The following NDST3 variants were observed in gnomAD, a reference collection of about 807,000 sequenced individuals.
NDST3 encodes N-deacetylase and N-sulfotransferase 3, also known as bifunctional heparan sulfate N-deacetylase/N-sulfotransferase 3.
Under a neutral mutation model 96.1 loss-of-function variants are expected in NDST3, and 58 were observed. That is an observed-to-expected ratio of 0.60 (90% CI 0.49 to 0.75). NDST3 has a LOEUF of 0.75. Among genes scored for constraint, NDST3 ranks in the 30% least tolerant of loss-of-function variants. The pLI, the probability that NDST3 is intolerant of heterozygous loss-of-function variation, is 0.00. For missense variants in NDST3, 788 were observed against 1,034.2 expected (o/e 0.76, Z 3.27); for synonymous variants, 333 against 359.7 (o/e 0.93, Z 0.84).
At chr4:118,122,256 C>T (rs1003791856) in intron 4 of NDST3, among the ~76,000 whole-genome samples, 1 of 152,092 alleles carries the variant, frequency 6.6e-6, no homozygotes. Context: ...GGTCTATTTC[C>T]AGATCCATTC....
chr4:118,053,982 G>A lies in NDST3; in HGVS notation c.72G>A (p.Val24=), dbSNP rs1023057089. The change falls in exon 2 of 14, where the codon GTG becomes GTA. Residue 24 remains valine, a synonymous_variant. Coordinates refer to ENST00000296499, the MANE Select transcript of NDST3 (RefSeq NM_004784.3). Reference sequence around the variant, plus strand: ...TTCTGCTTGCCACTTTTTGTATGGTGAGCATTATCATTTCTGCTTACTACC... The same window carrying A: ...TTCTGCTTGCCACTTTTTGTATGGTAAGCATTATCATTTCTGCTTACTACC... The part of the protein sequence containing the change: ...TVILLATFCM[V]SIIISAYYLY... The A allele has an allele frequency of 1.2e-6, 2 of 1,611,898 alleles. No homozygotes were observed. Among genetic ancestry groups the A allele is most frequent in the East Asian group, 2.2e-5 (1 of 44,826 alleles).
rs569663616 is a variant in NDST3, at chr4:118,161,638, C to T, written c.1539+17954C>T. ...GTTTGATCTCAGACTGCTTTGCTAGCAATCAGCGAGACTCCATGGGTGTAG... is the reference window on the plus strand; with the variant it reads ...GTTTGATCTCAGACTGCTTTGCTAGTAATCAGCGAGACTCCATGGGTGTAG... On this transcript the variant is annotated intron_variant, in intron 6 of 13. Transcript: ENST00000296499. Among the ~76,000 whole-genome samples, 5 of 152,264 alleles carry T rather than the reference C, an allele frequency of 3.3e-5. 1 individual carries two copies. In the East Asian group the frequency reaches 9.7e-4, roughly 30 times the overall value.
At position 118,176,517 on chromosome 4, in the gene NDST3, T is replaced by G. The variant is rs779769492; in HGVS notation, c.1539+32833T>G. ...GGAGAATTAAGCCCTAATGCTCTTA[T>G]GAATCCATTGCACGTGATGAGTTCA... On this transcript the variant is annotated intron_variant, in intron 6 of 13. Coordinates refer to ENST00000296499, the MANE Select transcript of NDST3 (RefSeq NM_004784.3). Among the ~76,000 whole-genome samples the G allele has an allele frequency of 6.5e-4, 99 of 152,224 alleles. 1 individual carries two copies. Among genetic ancestry groups the G allele is most frequent in the Non-Finnish European group, 9.1e-4 (62 of 67,976 alleles).
intron 6 of NDST3, among the ~76,000 whole-genome samples, chr4:118,217,435 A>G (rs1221324549): frequency 6.6e-6 from 1 of 152,116 alleles, no homozygotes; most frequent in Non-Finnish European, 1.5e-5. Flanking sequence ...TCATTAGAAT[A>G]TCCTTTCTGC....
At chr4:118,179,441 A>T (rs1736464848) in intron 6 of NDST3, among the ~76,000 whole-genome samples, 2 of 152,068 alleles carry the variant, frequency 1.3e-5, no homozygotes, top group South Asian at 4.1e-4. Context: ...GCAAGCCCTC[A>T]TTCTGCCATA....
rs755398873 is a variant in NDST3 at position 118,105,086 on chromosome 4, A to C, written c.1050A>C (p.Ser350=). The C allele has an allele frequency of 6.2e-7, 1 of 1,613,142 alleles. No homozygotes were observed. Among genetic ancestry groups the C allele is most frequent in the Admixed American group, 1.7e-5 (1 of 59,992 alleles). Residue 350 remains serine, a synonymous_variant, in exon 3 of 14, where the codon TCA becomes TCC. Transcript: ENST00000296499. ...ATTTTACATTCAACCTGGGATTTTC[A>C]GGGAAATTTTACCATACAGGTAAGA... The part of the protein sequence containing the change: ...ITNFTFNLGF[S]GKFYHTGTEE...
At chr4:118,241,993 G>A in intron 11 of NDST3, 47 bp from the exon 12 acceptor site, 1 of 1,376,126 alleles carries the variant, frequency 7.3e-7, no homozygotes, top group Non-Finnish European at 1.0e-6. Context: ...TCATTATACA[G>A]TTTACATGTC....
intron 6 of NDST3, among the ~76,000 whole-genome samples, chr4:118,163,099 C>T (rs1364094958): frequency 6.6e-6 from 1 of 152,168 alleles, no homozygotes; most frequent in African/African-American, 2.4e-5. Context: ...AGTCAGGAAA[C>T]AACAGGTGCT....
Position 118,224,677 on chromosome 4 carries a change from AAATT to A in NDST3, c.1722+11_1722+14del. The A allele has an allele frequency of 6.4e-7, 1 of 1,569,134 alleles. No individual in the cohort carries two copies. The highest frequency in any genetic ancestry group is 8.6e-7 in the Non-Finnish European group (1 of 1,156,884). On this transcript the variant is annotated splice_donor_5th_base_variant and intron_variant, in intron 7 of 13. Coordinates refer to ENST00000296499, the MANE Select transcript of NDST3 (RefSeq NM_004784.3). ...TCAGAAAGACCCTCTCTGGCAGGTA[AAATT>A]AATTAAATAATTGATATAACCAGTT...
At chr4:118,089,761 T>C (rs1434057410) in intron 2 of NDST3, among the ~76,000 whole-genome samples, 2 of 152,096 alleles carry the variant, frequency 1.3e-5, no homozygotes, top group East Asian at 1.9e-4. Context: ...AAGTATTTTA[T>C]AAAAGGTGAC....
At chr4:118,061,549 A>C (rs549307624) in intron 2 of NDST3, among the ~76,000 whole-genome samples, 1 of 152,294 alleles carries the variant, frequency 6.6e-6, no homozygotes, top group Non-Finnish European at 1.5e-5. Context: ...AAGGCTTCAC[A>C]GCATGCTACC....
chr4:118,228,089 T>G (rs1235339902), intron 8 of NDST3, among the ~76,000 whole-genome samples: 1 of 152,200 alleles, frequency 6.6e-6, no homozygotes, highest in Admixed American at 6.5e-5. Flanking sequence ...TTCCCTCTCC[T>G]CATTGATCCA....
intron 4 of NDST3, among the ~76,000 whole-genome samples, chr4:118,124,859 G>C (rs565729251): frequency 1.3e-5 from 2 of 152,006 alleles, no homozygotes; most frequent in Admixed American, 6.6e-5. Context: ...TTTATCCAAA[G>C]ACTTTTGTTA....
In NDST3 at chr4:118,043,256, A is replaced by G. The variant is rs1724574603; in HGVS notation, c.-156+8664A>G. Among the ~76,000 whole-genome samples the G allele has an allele frequency of 2.6e-5, 4 of 152,240 alleles. No homozygotes were observed. In the South Asian group the frequency reaches 8.3e-4, roughly 32 times the overall value. On this transcript the variant is annotated intron_variant, in intron 1 of 13. Transcript: ENST00000296499. The stretch of plus-strand genomic sequence containing the variant: ...ATAGTTATTTGTAACTTCAAAAGAT[A>G]AGTTAAAGCATTAGAATACAGTAAA...
chr4:118,153,615 G>A (rs1383172580), intron 6 of NDST3, among the ~76,000 whole-genome samples: 1 of 152,038 alleles, frequency 6.6e-6, no homozygotes, highest in Non-Finnish European at 1.5e-5. Flanking sequence ...CTGAGTTCAG[G>A]AGTTCCCTGA....
intron 6 of NDST3, among the ~76,000 whole-genome samples, chr4:118,150,324 G>A (rs989164047): frequency 6.6e-6 from 1 of 152,080 alleles, no homozygotes; most frequent in Admixed American, 6.6e-5. Context: ...ACATAAGCAC[G>A]GGCAAGGACT....
At chr4:118,195,486 C>T in intron 6 of NDST3, among the ~76,000 whole-genome samples, 1 of 152,202 alleles carries the variant, frequency 6.6e-6, no homozygotes, top group Non-Finnish European at 1.5e-5. Context: ...GATTGTGAGG[C>T]CTTCCCAGCC....
chr4:118,070,869 T>A (rs1727008883), intron 2 of NDST3, among the ~76,000 whole-genome samples: 1 of 152,036 alleles, frequency 6.6e-6, no homozygotes, highest in African/African-American at 2.4e-5. Context: ...CATTGTTCAA[T>A]TCCCACCTAT....
At chr4:118,238,318 A>G (rs771501105) in intron 10 of NDST3, among the ~76,000 whole-genome samples, 7 of 152,148 alleles carry the variant, frequency 4.6e-5, no homozygotes, top group Non-Finnish European at 7.3e-5. Context: ...TTGTTTTCTG[A>G]TGTTGGTTAG....
Sources: allele counts gnomAD v4.1 joint callset (sites outside exome capture counted in the v4.1 genomes callset), GRCh38; gene constraint gnomAD v4.1.1; transcripts MANE v1.5; gene names NCBI Gene and HGNC (gene_info 2026-07-23, HGNC 2026-07-21).